Variants in CTNNA2 observed in about 807,000 individuals in gnomAD.
CTNNA2 encodes catenin alpha 2, also known as catenin alpha-2.
Under a neutral mutation model 101.0 loss-of-function variants are expected in CTNNA2, and 42 were observed. The ratio of observed to expected loss-of-function variants is 0.42; its 90% CI spans 0.32 to 0.54. The LOEUF is 0.54. CTNNA2 is among the 20% of genes least tolerant of loss of function. CTNNA2 has a pLI of 0.14. For synonymous variants in CTNNA2, 450 were observed against 456.4 expected (o/e 0.99, Z 0.18); for missense variants, 871 against 1,223.1 (o/e 0.71, Z 4.29).
intron 7 of CTNNA2, among the ~76,000 whole-genome samples, chr2:80,176,516 T>C (rs1705404314): frequency 6.6e-6 from 1 of 152,236 alleles, no homozygotes; most frequent in Non-Finnish European, 1.5e-5. Context: ...ACCTATTCTG[T>C]ATTCCTTTTG....
chr2:79,466,766 A>C (rs1670941479), intron 4 of CTNNA2, among the ~76,000 whole-genome samples: 1 of 152,212 alleles, frequency 6.6e-6, no homozygotes. Context: ...CAGGAGAAAA[A>C]GGTCTGGAGT....
At chr2:80,186,433 C>G (rs916585733) in intron 7 of CTNNA2, among the ~76,000 whole-genome samples, 4 of 152,186 alleles carry the variant, frequency 2.6e-5, no homozygotes, top group Non-Finnish European at 4.4e-5. Flanking sequence ...ATGTCCCTCC[C>G]CAGTACAGCA....
At position 79,874,079 on chromosome 2, in the gene CTNNA2, C is replaced by T; in HGVS notation, c.589C>T (p.Leu197=). 6.2e-7 allele frequency: 1 copy of T among 1,614,046 alleles called. No homozygotes were observed. Among genetic ancestry groups the T allele is most frequent in the Non-Finnish European group, 8.5e-7 (1 of 1,179,972 alleles). The part of the protein sequence containing the change: ...NYVAARRQQE[L]KDPHCRDEMA... The stretch of plus-strand genomic sequence containing the variant: ...CTTTCATGTGTTACACACACAGGAG[C>T]TGAAGGATCCTCACTGTCGGGATGA... Residue 197 remains leucine, a synonymous_variant, in exon 6 of 19, where the codon CTG becomes TTG. Transcript: ENST00000402739.
chr2:79,354,632 G>A (rs1677465554), intron 3 of CTNNA2, among the ~76,000 whole-genome samples: 1 of 151,996 alleles, frequency 6.6e-6, no homozygotes. Flanking sequence ...ATCTTATTGA[G>A]CTCCAGCTGT....
At chr2:80,342,573 A>G (rs1559025963) in intron 7 of CTNNA2, among the ~76,000 whole-genome samples, 1 of 152,244 alleles carries the variant, frequency 6.6e-6, no homozygotes, top group Non-Finnish European at 1.5e-5. Flanking sequence ...GATTATAAAA[A>G]TAGTTTCTTT....
At chr2:79,993,587 G>A (rs1692332331) in intron 7 of CTNNA2, among the ~76,000 whole-genome samples, 1 of 149,168 alleles carries the variant, frequency 6.7e-6, no homozygotes, top group Non-Finnish European at 1.5e-5. Flanking sequence ...AACTAGAATA[G>A]GAAGGCAGTG....
intron 4 of CTNNA2, among the ~76,000 whole-genome samples, chr2:79,462,061 T>C (rs1670884849): frequency 6.6e-6 from 1 of 152,264 alleles, no homozygotes; most frequent in East Asian, 1.9e-4. Flanking sequence ...ATTTTACCGA[T>C]ATGAAAGGGA....
chr2:80,290,532 T>C (rs1675144404), intron 7 of CTNNA2, among the ~76,000 whole-genome samples: 1 of 152,112 alleles, frequency 6.6e-6, no homozygotes, highest in Non-Finnish European at 1.5e-5. Context: ...AATCATTATC[T>C]AGCTCAGTGT....
intron 2 of CTNNA2, among the ~76,000 whole-genome samples, chr2:79,238,116 G>C (rs1360739116): frequency 1.3e-5 from 2 of 152,112 alleles, no homozygotes; most frequent in African/African-American, 4.8e-5. Flanking sequence ...TTGATTTAAA[G>C]TGAGAAATCT....
chr2:80,124,394 C>T (rs1702006153), intron 7 of CTNNA2, among the ~76,000 whole-genome samples: 1 of 151,998 alleles, frequency 6.6e-6, no homozygotes, highest in African/African-American at 2.4e-5. Context: ...ACTTTTTGTC[C>T]CCATTTTACC....
intron 2 of CTNNA2, among the ~76,000 whole-genome samples, chr2:79,733,325 A>G (rs1178654164): frequency 6.6e-6 from 1 of 152,122 alleles, no homozygotes; most frequent in Non-Finnish European, 1.5e-5. Flanking sequence ...TGATGAGACT[A>G]TATGTTTTTT....
chr2:79,269,933 C>T (rs1675041047), intron 2 of CTNNA2, among the ~76,000 whole-genome samples: 1 of 152,060 alleles, frequency 6.6e-6, no homozygotes, highest in Non-Finnish European at 1.5e-5. Flanking sequence ...ATTTAGGGCC[C>T]TGGGTTTAGA....
chr2:80,468,431 T>TA (rs1424355061), intron 9 of CTNNA2, among the ~76,000 whole-genome samples: 16 of 151,994 alleles, frequency 1.1e-4, no homozygotes, highest in African/African-American at 3.9e-4. Context: ...TTTATTTATT[T>TA]TTTTTGAGAT....
chr2:80,138,707 T>C (rs993858815), intron 7 of CTNNA2, among the ~76,000 whole-genome samples: 5 of 152,142 alleles, frequency 3.3e-5, no homozygotes, highest in African/African-American at 1.2e-4. Context: ...GTACTAACTC[T>C]CCTCATTCTT....
chr2:79,357,318 C>G (rs1043367349), intron 3 of CTNNA2, among the ~76,000 whole-genome samples: 1 of 151,956 alleles, frequency 6.6e-6, no homozygotes, highest in South Asian at 2.1e-4. Flanking sequence ...AGAGTAAGAC[C>G]CTGTCTCAAA....
At chr2:80,243,294 A>G (rs894827) in intron 7 of CTNNA2, among the ~76,000 whole-genome samples, 3,431 of 152,206 alleles carry the variant, frequency 0.023, 132 homozygotes, top group African/African-American at 0.078. Flanking sequence ...TATCTAATAA[A>G]CTGCACATAT....
chr2:79,794,729 A>G (rs1045062794), intron 3 of CTNNA2, among the ~76,000 whole-genome samples: 1 of 152,210 alleles, frequency 6.6e-6, no homozygotes, highest in Admixed American at 6.5e-5. Context: ...AATATACTCC[A>G]TGAATAAGAG....
intron 7 of CTNNA2, among the ~76,000 whole-genome samples, chr2:79,955,086 C>A (rs1428331838): frequency 6.6e-6 from 1 of 152,168 alleles, no homozygotes; most frequent in Admixed American, 6.5e-5. Flanking sequence ...TCTGACTGCA[C>A]CAGTTTAAAG....
intron 7 of CTNNA2, among the ~76,000 whole-genome samples, chr2:80,108,026 C>T (rs1700997030): frequency 6.6e-6 from 1 of 152,052 alleles, no homozygotes; most frequent in African/African-American, 2.4e-5. Context: ...TTTCCTGGGC[C>T]CTGAGCCAGT....
Sources: gnomAD v4.1 joint callset for allele counts (sites outside exome capture counted in the v4.1 genomes callset) on GRCh38, gnomAD v4.1.1 for gene constraint, MANE v1.5 for transcripts, NCBI Gene and HGNC (gene_info 2026-07-23, HGNC 2026-07-21) for gene names.